NCAM2: variants seen among roughly 807,000 people sequenced by gnomAD.
NCAM2 encodes N-CAM-2.
NCAM2 carries 30 observed loss-of-function variants against 98.1 expected under a neutral mutation model. The ratio of observed to expected loss-of-function variants is 0.31; its 90% CI spans 0.23 to 0.41. The LOEUF is 0.41. Among genes scored for constraint, NCAM2 ranks in the 10% least tolerant of loss-of-function variants. NCAM2 has a pLI of 1.00. For missense variants in NCAM2, 867 were observed against 1,005.8 expected, an observed-to-expected ratio of 0.86 and a Z score of 1.87; for synonymous variants, 368 against 342.4, an observed-to-expected ratio of 1.07 and a Z score of -0.83.
intron 1 of NCAM2, among the ~76,000 whole-genome samples, chr21:21,107,574 A>G (rs901776617): frequency 6.6e-6 from 1 of 152,102 alleles, no homozygotes; most frequent in Non-Finnish European, 1.5e-5. Flanking sequence ...TGATTTAAAT[A>G]TAATTGTGAT....
intron 12 of NCAM2, among the ~76,000 whole-genome samples, chr21:21,459,414 A>G (rs768680684): frequency 4.8e-5 from 7 of 146,340 alleles, no homozygotes; most frequent in Non-Finnish European, 1.0e-4. Flanking sequence ...GAAAATATGT[A>G]TATACACACA....
At chr21:21,095,465 A>C (rs1222002552) in intron 1 of NCAM2, among the ~76,000 whole-genome samples, 1 of 148,026 alleles carries the variant, frequency 6.8e-6, no homozygotes, top group African/African-American at 2.6e-5. Flanking sequence ...TTTCTATCTA[A>C]AGACACAGAT....
chr21:21,313,722 T>C (rs537600063), intron 5 of NCAM2, among the ~76,000 whole-genome samples: 1 of 152,148 alleles, frequency 6.6e-6, no homozygotes, highest in East Asian at 1.9e-4. Flanking sequence ...ATTTAAAATG[T>C]TATTTTAGTC....
intron 16 of NCAM2, among the ~76,000 whole-genome samples, chr21:21,525,000 T>C (rs1989248346): frequency 6.6e-6 from 1 of 151,998 alleles, no homozygotes; most frequent in African/African-American, 2.4e-5. Context: ...ATTTGGGGGA[T>C]GAAGTGAAAC....
chr21:21,148,405 C>G (rs941404539), intron 1 of NCAM2, among the ~76,000 whole-genome samples: 2 of 152,160 alleles, frequency 1.3e-5, no homozygotes, highest in African/African-American at 2.4e-5. Context: ...AGATACTTCA[C>G]AGGTAGGGGC....
At chr21:21,358,467 G>C (rs1466218038) in intron 8 of NCAM2, among the ~76,000 whole-genome samples, 2 of 151,786 alleles carry the variant, frequency 1.3e-5, no homozygotes, top group East Asian at 3.9e-4. Flanking sequence ...TTCTATCACA[G>C]ACACACACAC....
chr21:21,404,982 C>A (rs376451711), intron 9 of NCAM2, among the ~76,000 whole-genome samples: 1 of 151,654 alleles, frequency 6.6e-6, no homozygotes, highest in East Asian at 1.9e-4. Context: ...CATGTAGTAA[C>A]GCATTTTACA....
intron 1 of NCAM2, among the ~76,000 whole-genome samples, chr21:21,199,378 A>G (rs543057571): frequency 6.6e-6 from 1 of 152,270 alleles, no homozygotes; most frequent in South Asian, 2.1e-4. Context: ...AACCATATCT[A>G]AAATATTCCA....
intron 1 of NCAM2, among the ~76,000 whole-genome samples, chr21:21,119,832 T>C (rs577054137): frequency 2.0e-5 from 3 of 152,344 alleles, no homozygotes; most frequent in African/African-American, 4.8e-5. Flanking sequence ...TTTTTATGTT[T>C]ATTGCACTGA....
chr21:21,150,355 T>C (rs1425927715), intron 1 of NCAM2, among the ~76,000 whole-genome samples: 1 of 152,140 alleles, frequency 6.6e-6, no homozygotes, highest in East Asian at 1.9e-4. Flanking sequence ...CCTAGTCTGC[T>C]GCCTAGGGAT....
Position 21,230,328 on chromosome 21 carries a change from A to G in NCAM2, c.56-50250A>G, listed in dbSNP as rs999963328. Among the ~76,000 whole-genome samples the G allele has an allele frequency of 4.6e-5, 7 of 151,142 alleles. No individual in the cohort carries two copies. In the East Asian group the frequency reaches 1.2e-3, roughly 25 times the overall value. On this transcript the variant is annotated intron_variant, in intron 1 of 17. Coordinates refer to ENST00000400546, the MANE Select transcript of NCAM2 (RefSeq NM_004540.5). ...TGTCTCACTTTTTTTTGAGATTATG[A>G]TGATAAAAGGTGATTTCGGATTTGT...
At chr21:21,006,559 C>T (rs2064117387) in intron 1 of NCAM2, among the ~76,000 whole-genome samples, 1 of 152,116 alleles carries the variant, frequency 6.6e-6, no homozygotes, top group African/African-American at 2.4e-5. Context: ...TTTCTCCACT[C>T]ATTAATTTCT....
chr21:21,533,484 G>A (rs1989821243), intron 16 of NCAM2, among the ~76,000 whole-genome samples: 1 of 151,746 alleles, frequency 6.6e-6, no homozygotes, highest in South Asian at 2.1e-4. Flanking sequence ...GTAATTTTCA[G>A]TTTTACCGAT....
At chr21:21,265,931 T>C (rs535191139) in intron 1 of NCAM2, among the ~76,000 whole-genome samples, 1 of 152,106 alleles carries the variant, frequency 6.6e-6, no homozygotes, top group East Asian at 1.9e-4. Flanking sequence ...AAAGATTGTT[T>C]TATTATTCAT....
At chr21:21,104,126 G>A (rs2066297101) in intron 1 of NCAM2, among the ~76,000 whole-genome samples, 1 of 152,068 alleles carries the variant, frequency 6.6e-6, no homozygotes, top group African/African-American at 2.4e-5. Context: ...TTCCACAAGT[G>A]AAAAATACAT....
chr21:21,366,452 G>C (rs969793994), intron 8 of NCAM2, among the ~76,000 whole-genome samples: 10 of 152,026 alleles, frequency 6.6e-5, no homozygotes, highest in Admixed American at 1.3e-4. Context: ...ATTCTCACCA[G>C]ATGTGGATTA....
intron 8 of NCAM2, among the ~76,000 whole-genome samples, chr21:21,360,783 T>C (rs1568978038): frequency 6.6e-6 from 1 of 151,990 alleles, no homozygotes; most frequent in African/African-American, 2.4e-5. Flanking sequence ...TGAATATAGC[T>C]GAAGAAAATC....
intron 8 of NCAM2, among the ~76,000 whole-genome samples, chr21:21,357,184 A>G (rs1040142844): frequency 6.6e-6 from 1 of 152,146 alleles, no homozygotes; most frequent in African/African-American, 2.4e-5. Flanking sequence ...TCACAAGGTC[A>G]CAAATATAGC....
At chr21:21,257,772 A>G (rs887623139) in intron 1 of NCAM2, among the ~76,000 whole-genome samples, 2 of 152,062 alleles carry the variant, frequency 1.3e-5, no homozygotes, top group African/African-American at 2.4e-5. Context: ...TAGTAGAGAC[A>G]GGGTTTCACC....
Sources: gnomAD v4.1 joint callset for allele counts (sites outside exome capture counted in the v4.1 genomes callset) on GRCh38, gnomAD v4.1.1 for gene constraint, MANE v1.5 for transcripts, NCBI Gene and HGNC (gene_info 2026-07-23, HGNC 2026-07-21) for gene names.